The following TMC5 variants were observed in gnomAD, a reference collection of about 807,000 sequenced individuals.
TMC5 encodes transmembrane channel-like protein 5.
Under a neutral mutation model 110.5 loss-of-function variants are expected in TMC5, and 86 were observed. The observed-to-expected ratio is 0.78, with a 90% CI of 0.65 to 0.93. The LOEUF (loss-of-function observed/expected upper bound fraction) is 0.93, where lower values mean the gene tolerates loss of function less well. Ranked by LOEUF, TMC5 falls within the 40% of genes least tolerant of loss-of-function variation. The pLI is 0.00. For synonymous variants in TMC5, 455 were observed against 439.5 expected, an observed-to-expected ratio of 1.04 and a Z score of -0.44; for missense variants, 1,144 against 1,222.8, an observed-to-expected ratio of 0.94 and a Z score of 0.96.
chr16:19,492,289 T>C (rs1353119313), intron 19 of TMC5, 61 bp downstream of exon 19: 2 of 1,195,444 alleles, frequency 1.7e-6, no homozygotes, highest in African/African-American at 3.0e-5. Context: ...TGTATAAACA[T>C]CCTCCAAAAT....
chr16:19,480,697 T>A (rs1968596474), intron 14 of TMC5, among the ~76,000 whole-genome samples: 1 of 149,416 alleles, frequency 6.7e-6, no homozygotes, highest in South Asian at 2.1e-4. Flanking sequence ...CCCAACTACT[T>A]GGGAGGCTGA....
At chr16:19,472,313 T>A (rs1968364454) in intron 11 of TMC5, 70 bp downstream of exon 11, 1 of 1,562,970 alleles carries the variant, frequency 6.4e-7, no homozygotes, top group Admixed American at 1.7e-5. Context: ...GGAAGGGTGG[T>A]GTGCAGCCTA....
intron 10 of TMC5, among the ~76,000 whole-genome samples, 190 bp downstream of exon 10, chr16:19,470,015 C>T (rs1968293423): frequency 6.6e-6 from 1 of 151,706 alleles, no homozygotes; most frequent in South Asian, 2.1e-4. Flanking sequence ...CTGCCTCAGC[C>T]TCCCGAGTAG....
At chr16:19,489,644 A>T (rs1385895460) in intron 17 of TMC5, among the ~76,000 whole-genome samples, 11 of 129,330 alleles carry the variant, frequency 8.5e-5, no homozygotes, top group African/African-American at 3.1e-4. Context: ...TGCCTGGCTA[A>T]TTTTTTTTTT....
At chr16:19,478,025 G>A (rs756309740) in intron 13 of TMC5, among the ~76,000 whole-genome samples, 13 of 152,294 alleles carry the variant, frequency 8.5e-5, no homozygotes, top group East Asian at 3.9e-4. Context: ...GTTTCTGGCC[G>A]TCCTTCACTT....
At chr16:19,439,368 A>C (rs929230527) in intron 2 of TMC5, among the ~76,000 whole-genome samples, 1 of 152,108 alleles carries the variant, frequency 6.6e-6, no homozygotes, top group African/African-American at 2.4e-5. Flanking sequence ...GAACCCTAGA[A>C]CCTCAAGTGT....
intron 19 of TMC5, among the ~76,000 whole-genome samples, chr16:19,493,363 A>G (rs1968964295): frequency 6.6e-6 from 1 of 151,916 alleles, no homozygotes; most frequent in Non-Finnish European, 1.5e-5. Context: ...ACATTTCCCC[A>G]ACTGTCCCCT....
chr16:19,456,833 A>G (rs766530600), intron 5 of TMC5: 31 of 1,614,204 alleles, frequency 1.9e-5, no homozygotes, highest in Non-Finnish European at 2.5e-5. Flanking sequence ...AAGCATCAAC[A>G]TGGTTTTGTC....
chr16:19,490,533 T>C lies in TMC5; in HGVS notation c.2712T>C (p.Ser904=), dbSNP rs1968860630. 1 of 1,613,968 alleles carries C rather than the reference T, an allele frequency of 6.2e-7. No homozygotes were observed. The highest frequency in any genetic ancestry group is 1.1e-5 in the South Asian group (1 of 91,084). ...VVWIYRNLIG[S]VHFFFILTLI... ...GGATCTATCGGAACCTCATTGGAAG[T>C]GTGCACTTCTTTTTCATCCTCACCC... is the stretch of plus-strand genomic sequence containing the variant. Residue 904 remains serine (S), a synonymous_variant, in exon 18 of 22, where the codon AGT becomes AGC. Coordinates refer to ENST00000542583, the MANE Select transcript of TMC5 (RefSeq NM_001261841.2).
intron 4 of TMC5, 36 bp downstream of exon 4, chr16:19,444,286 A>G (rs1182427139): frequency 2.5e-6 from 4 of 1,598,876 alleles, no homozygotes; most frequent in South Asian, 2.2e-5. Context: ...TATCCTGGGA[A>G]AAAACTGAAA....
chr16:19,429,486 CA>C (rs1275144348), intron 1 of TMC5, among the ~76,000 whole-genome samples: 1 of 152,162 alleles, frequency 6.6e-6, no homozygotes, highest in Admixed American at 6.5e-5. Flanking sequence ...TACACATTCC[CA>C]GAAAGAGCAA....
At chr16:19,436,637 T>C (rs974096403) in intron 2 of TMC5, among the ~76,000 whole-genome samples, 2 of 152,238 alleles carry the variant, frequency 1.3e-5, no homozygotes, top group African/African-American at 2.4e-5. Flanking sequence ...AATTCTTTTT[T>C]TTCATTTGCA....
At chr16:19,422,690 G>T (rs772232245) in intron 1 of TMC5, among the ~76,000 whole-genome samples, 1 of 152,116 alleles carries the variant, frequency 6.6e-6, no homozygotes, top group Non-Finnish European at 1.5e-5. Context: ...GCCGGGCCCA[G>T]TGGCTCACCC....
Position 19,440,245 on chromosome 16 carries a change from G to T in TMC5, c.207G>T (p.Leu69=). ...SRTRPDYPGS[L]AEPNYPRSLS... Reference sequence around the variant, plus strand: ...CACGTCCAGACTATCCTGGGTCTCTGGCAGAACCAAATTATCCTAGATCTC... The same window carrying T: ...CACGTCCAGACTATCCTGGGTCTCTTGCAGAACCAAATTATCCTAGATCTC... Residue 69 remains leucine, a synonymous_variant, in exon 3 of 22, where the codon CTG becomes CTT. Coordinates refer to ENST00000542583, the MANE Select transcript of TMC5 (RefSeq NM_001261841.2). 6.2e-7 allele frequency: 1 copy of T among 1,613,994 alleles called. No individual in the cohort carries two copies. The highest frequency in any genetic ancestry group is 8.5e-7 in the Non-Finnish European group (1 of 1,180,000).
intron 2 of TMC5, 82 bp downstream of exon 2, chr16:19,430,722 A>G (rs1272030222): frequency 6.6e-6 from 1 of 152,142 alleles, no homozygotes; most frequent in Non-Finnish European, 1.5e-5. Flanking sequence ...CTTTTTTTTA[A>G]GTCCATAAAA....
chr16:19,459,632 A>G (rs929331445), intron 5 of TMC5, among the ~76,000 whole-genome samples: 2 of 152,092 alleles, frequency 1.3e-5, no homozygotes, highest in African/African-American at 4.8e-5. Context: ...ATTTTAAAAA[A>G]TTAGCTGGTT....
chr16:19,434,418 T>C (rs1446913530), intron 2 of TMC5, among the ~76,000 whole-genome samples: 3 of 135,722 alleles, frequency 2.2e-5, no homozygotes, highest in Non-Finnish European at 3.1e-5. Flanking sequence ...TATATATCTA[T>C]ATATAATATG....
At chr16:19,416,545 A>G (rs1011738969), upstream of TMC5, among the ~76,000 whole-genome samples, 36 of 152,188 alleles carry the variant, frequency 2.4e-4, no homozygotes, top group African/African-American at 7.7e-4. Flanking sequence ...CCTTATCAAC[A>G]CTAGGAGGAG....
chr16:19,421,913 G>A (rs9302380), intron 1 of TMC5, among the ~76,000 whole-genome samples: 8,205 of 151,404 alleles, frequency 0.054, 739 homozygotes, highest in African/African-American at 0.19. Flanking sequence ...CTGGATAACA[G>A]AGTGAGACTC....
Sources: allele counts gnomAD v4.1 joint callset (sites outside exome capture counted in the v4.1 genomes callset), GRCh38; gene constraint gnomAD v4.1.1; transcripts MANE v1.5; gene names NCBI Gene and HGNC (gene_info 2026-07-23, HGNC 2026-07-21).